The following KALRN variants were observed in gnomAD, a reference collection of about 807,000 sequenced individuals.
KALRN encodes kalirin RhoGEF kinase, also known as kalirin.
In KALRN, 70 loss-of-function variants were observed where a neutral mutation model predicts 353.7. That is an observed-to-expected ratio of 0.20 (90% confidence interval 0.16 to 0.24). KALRN has a LOEUF of 0.24. Ranked by LOEUF, KALRN falls within the 10% of genes least tolerant of loss-of-function variation. KALRN has a pLI of 1.00. For missense variants in KALRN, 2,791 were observed against 3,756.7 expected (o/e 0.74, Z 6.72); for synonymous variants, 1,391 against 1,434.8 (o/e 0.97, Z 0.69).
chr3:124,299,318 A>G (rs777517242), intron 6 of KALRN, among the ~76,000 whole-genome samples: 1 of 152,182 alleles, frequency 6.6e-6, no homozygotes, highest in Non-Finnish European at 1.5e-5. Context: ...GGGGCTGTTT[A>G]GACTGGGGAA....
Position 124,495,957 on chromosome 3 carries a change from G to GTGTGTATATATA in KALRN, c.4833-353_4833-352insGTGTATATATAT, listed in dbSNP as rs1377097482. The stretch of plus-strand genomic sequence containing the variant: ...GACCCGTTCCCAAGTGTGTGTATGT[G>GTGTGTATATATA]TATGTATGTATATATATATATATAT... On this transcript the variant is annotated intron_variant, in intron 32 of 59. Coordinates refer to ENST00000682506, the MANE Select transcript of KALRN (RefSeq NM_001388419.1). 5.9e-4 allele frequency among the ~76,000 whole-genome samples: 26 copies of GTGTGTATATATA among 44,216 alleles called. 2 individuals are homozygous for GTGTGTATATATA. The highest frequency in any genetic ancestry group is 1.0e-3 in the Non-Finnish European group (23 of 23,042). 29.0% of individuals were successfully genotyped at this position (44,216 alleles called of 152,430 possible). A position where few individuals can be genotyped will look rare whatever the true frequency, so the allele number is the denominator to read the frequency against.
chr3:124,477,383 C>T (rs1189825536), intron 27 of KALRN, 49 bp downstream of exon 27: 8 of 1,353,282 alleles, frequency 5.9e-6, no homozygotes, highest in African/African-American at 1.4e-5. Context: ...GGTGGAAATG[C>T]TTCTCTGCTT....
intron 9 of KALRN, 89 bp from the exon 10 acceptor site, chr3:124,347,054 G>T: frequency 6.3e-7 from 1 of 1,584,172 alleles, no homozygotes; most frequent in Non-Finnish European, 8.6e-7. Context: ...GGGATATAGG[G>T]GTGGTTAGGA....
At chr3:124,139,970 C>T (rs2066424348) in intron 1 of KALRN, among the ~76,000 whole-genome samples, 1 of 152,026 alleles carries the variant, frequency 6.6e-6, no homozygotes, top group Non-Finnish European at 1.5e-5. Flanking sequence ...AGGTCCTGCC[C>T]CCTATCTTTC....
At chr3:124,271,224 G>A (rs979994885) in intron 5 of KALRN, among the ~76,000 whole-genome samples, 6 of 152,218 alleles carry the variant, frequency 3.9e-5, no homozygotes, top group Admixed American at 2.0e-4. Flanking sequence ...CCTGGCCTGG[G>A]TGCCTGTTTC....
At chr3:124,171,679 T>G (rs981271783) in intron 1 of KALRN, among the ~76,000 whole-genome samples, 2 of 152,192 alleles carry the variant, frequency 1.3e-5, no homozygotes, top group African/African-American at 4.8e-5. Context: ...AGGACTTGAT[T>G]TGGCTATCTT....
At chr3:124,036,335 C>A (rs2332732) in intron 1 of KALRN, among the ~76,000 whole-genome samples, 166 of 152,068 alleles carry the variant, frequency 1.1e-3, no homozygotes, top group African/African-American at 3.9e-3. Flanking sequence ...TTTGTTCCTG[C>A]GTTAGTTTGC....
intron 10 of KALRN, 146 bp from the exon 11 acceptor site, chr3:124,384,699 A>G: frequency 1.4e-6 from 1 of 695,874 alleles, no homozygotes; most frequent in Admixed American, 3.2e-5. Context: ...GCGGCGTGCC[A>G]GCTCCGCGCA....
At chr3:124,039,609 A>G (rs1293580245) in intron 1 of KALRN, among the ~76,000 whole-genome samples, 1 of 152,200 alleles carries the variant, frequency 6.6e-6, no homozygotes, top group Non-Finnish European at 1.5e-5. Context: ...GGAACCTTAA[A>G]CTATTGTCAT....
At chr3:124,389,111 T>G (rs577504933) in intron 11 of KALRN, among the ~76,000 whole-genome samples, 1 of 152,350 alleles carries the variant, frequency 6.6e-6, no homozygotes, top group African/African-American at 2.4e-5. Flanking sequence ...AAATCATTTC[T>G]GCCTCATTAT....
rs576650846 is a variant in KALRN at position 124,279,298 on chromosome 3, G to A, written c.969+10043G>A. 6.6e-4 allele frequency among the ~76,000 whole-genome samples: 101 copies of A among 152,342 alleles called. 1 individual carries two copies. The highest frequency in any genetic ancestry group is 2.4e-3 in the African/African-American group (100 of 41,578). ...ATATAGATTTTAATACCTGCCTTAG[G>A]ATTATTGTATGAGTTAAAGAAAATG... On this transcript the variant is annotated intron_variant, in intron 5 of 59. Coordinates refer to ENST00000682506, the MANE Select transcript of KALRN (RefSeq NM_001388419.1).
intron 1 of KALRN, among the ~76,000 whole-genome samples, chr3:124,155,190 T>C (rs1352177344): frequency 6.6e-6 from 1 of 152,200 alleles, no homozygotes; most frequent in Non-Finnish European, 1.5e-5. Flanking sequence ...ATTCAGGACA[T>C]AGGCATGGGC....
intron 2 of KALRN, among the ~76,000 whole-genome samples, chr3:124,228,887 A>G (rs1337218403): frequency 6.6e-6 from 1 of 150,890 alleles, no homozygotes; most frequent in Non-Finnish European, 1.5e-5. Flanking sequence ...GGCTGCTGAC[A>G]TTCCTTGGCT....
intron 1 of KALRN, among the ~76,000 whole-genome samples, chr3:124,165,247 C>T (rs1343291985): frequency 6.6e-6 from 1 of 152,130 alleles, no homozygotes; most frequent in African/African-American, 2.4e-5. Flanking sequence ...AATGTTGCTG[C>T]TTGTCTAAAA....
At chr3:124,504,049 C>T (rs76727022) in intron 33 of KALRN, among the ~76,000 whole-genome samples, 13,678 of 152,170 alleles carry the variant, frequency 0.09, 842 homozygotes, top group Non-Finnish European at 0.13. Context: ...TGCAGGAAAC[C>T]TCGGAAGTGC....
chr3:124,268,918 AG>A lies in KALRN; in HGVS notation c.633del (p.Met212CysfsTer2). On this transcript the variant is annotated frameshift_variant, in exon 5 of 60. Coordinates refer to ENST00000682506, the MANE Select transcript of KALRN (RefSeq NM_001388419.1). LOFTEE classifies it high-confidence loss of function. ...HLLSRLEDLQ[E>X]MLARKEFPVD... is the part of the protein sequence containing the mutation. Reference sequence around the variant, plus strand: ...CTCTCGCGCCTCGAGGACCTCCAGGAGATGCTAGCCCGGAAGGAGTTTCCTG... The same window carrying A: ...CTCTCGCGCCTCGAGGACCTCCAGGAATGCTAGCCCGGAAGGAGTTTCCTG... The A allele has an allele frequency of 6.2e-7, 1 of 1,613,916 alleles. No individual in the cohort carries two copies. Among genetic ancestry groups the A allele is most frequent in the Non-Finnish European group, 8.5e-7 (1 of 1,179,982 alleles).
chr3:124,376,712 A>G (rs1450218070), intron 10 of KALRN, among the ~76,000 whole-genome samples: 1 of 152,190 alleles, frequency 6.6e-6, no homozygotes, highest in Non-Finnish European at 1.5e-5. Flanking sequence ...TGAGTGCTAA[A>G]TGGAACTGGG....
chr3:124,065,809 T>C (rs1446632796), intron 1 of KALRN, among the ~76,000 whole-genome samples: 1 of 152,226 alleles, frequency 6.6e-6, no homozygotes, highest in African/African-American at 2.4e-5. Context: ...ATGGAATGCT[T>C]AGATCAGTAT....
At chr3:124,113,233 T>A (rs1578197252) in intron 1 of KALRN, among the ~76,000 whole-genome samples, 1 of 152,242 alleles carries the variant, frequency 6.6e-6, no homozygotes, top group Non-Finnish European at 1.5e-5. Context: ...ATCTGTAAGA[T>A]GCCAATAATA....
Sources: allele counts gnomAD v4.1 joint callset (sites outside exome capture counted in the v4.1 genomes callset), GRCh38; gene constraint gnomAD v4.1.1; transcripts MANE v1.5; gene names NCBI Gene and HGNC (gene_info 2026-07-23, HGNC 2026-07-21).